TICRR: variants seen among roughly 807,000 people sequenced by gnomAD.
TICRR encodes the protein treslin.
Under a neutral mutation model 178.1 loss-of-function variants are expected in TICRR, and 132 were observed. That is an observed-to-expected ratio of 0.74 (90% CI 0.64 to 0.86). The LOEUF (loss-of-function observed/expected upper bound fraction) is 0.86. Ranked by LOEUF, TICRR falls within the 40% of genes least tolerant of loss-of-function variation. TICRR has a pLI of 0.00. For synonymous variants in TICRR, 991 were observed against 900.7 expected, an observed-to-expected ratio of 1.10 and a Z score of -1.79; for missense variants, 2,587 against 2,334.3, an observed-to-expected ratio of 1.11 and a Z score of -2.23.
chr15:89,607,809 A>G (rs575091057), intron 14 of TICRR, among the ~76,000 whole-genome samples: 12 of 152,232 alleles, frequency 7.9e-5, no homozygotes, highest in African/African-American at 2.9e-4. Context: ...CCACCAGACT[A>G]TCTTAAGATT....
At position 89,602,865 on chromosome 15, in the gene TICRR, T is replaced by C; in HGVS notation, c.2637T>C (p.Pro879=). The change falls in exon 13 of 22, where the codon CCT becomes CCC. Residue 879 remains proline, a synonymous_variant. Coordinates refer to ENST00000268138, the MANE Select transcript of TICRR (RefSeq NM_152259.4). ...AGAATCTTCGACAAATTGAAATTCC[T>C]AAAGTGTCAAAGAGAGCTACGAAAA... ...VSQNLRQIEI[P]KVSKRATKKE... The C allele has an allele frequency of 6.5e-7, 1 of 1,531,620 alleles. No homozygotes were observed. The highest frequency in any genetic ancestry group is 2.5e-5 in the East Asian group (1 of 40,660). 94.9% of individuals were successfully genotyped at this position (1,531,620 alleles called of 1,614,324 possible).
At chr15:89,581,860 C>T (rs1226816459) in intron 1 of TICRR, among the ~76,000 whole-genome samples, 1 of 152,088 alleles carries the variant, frequency 6.6e-6, no homozygotes, top group African/African-American at 2.4e-5. Flanking sequence ...ACTTTACAGG[C>T]TATGGTAACA....
In TICRR at chr15:89,575,795, C is replaced by G. The variant is rs763213994; in HGVS notation, c.209C>G (p.Ser70Cys). Reference sequence around the variant, plus strand: ...GTGTCTGACTTCCGCGAGCTGGGGTCCCGCTCGTGGGAGGACTTTGAGGAG... The same window carrying G: ...GTGTCTGACTTCCGCGAGCTGGGGTGCCGCTCGTGGGAGGACTTTGAGGAG... ...SRVSDFRELG[S>C]RSWEDFEEEL... The change falls in exon 1 of 22, where the codon TCC becomes TGC. Residue 70 changes from serine (S) to cysteine (C), a missense_variant. Transcript: ENST00000268138. 6 of 1,606,392 alleles carry G rather than the reference C, an allele frequency of 3.7e-6. No homozygotes were observed. Among genetic ancestry groups the G allele is most frequent in the Non-Finnish European group, 4.2e-6 (5 of 1,177,630 alleles).
At chr15:89,607,706 G>T (rs1033105011) in intron 14 of TICRR, among the ~76,000 whole-genome samples, 2 of 151,996 alleles carry the variant, frequency 1.3e-5, no homozygotes, top group African/African-American at 4.8e-5. Context: ...AAACACAAGG[G>T]TTGCTCCCAG....
At chr15:89,596,996 C>T (rs1963008401) in intron 7 of TICRR, among the ~76,000 whole-genome samples, 3 of 152,216 alleles carry the variant, frequency 2.0e-5, no homozygotes, top group Middle Eastern at 3.4e-3. Flanking sequence ...GAACTGTGCT[C>T]AATGTGGTCT....
At chr15:89,583,492 GAT>G (rs962786573) in intron 2 of TICRR, among the ~76,000 whole-genome samples, 1 of 152,120 alleles carries the variant, frequency 6.6e-6, no homozygotes, top group Non-Finnish European at 1.5e-5. Context: ...ACTTTATAGA[GAT>G]ATGTACATAA....
rs386383750 is a variant in TICRR, at chr15:89,619,221, C to CTTT, written c.3020-470_3020-468dup. 1.4e-3 allele frequency among the ~76,000 whole-genome samples: 162 copies of CTTT among 111,968 alleles called. 9 individuals are homozygous for CTTT. Among genetic ancestry groups the CTTT allele is most frequent in the African/African-American group, 3.0e-3 (85 of 28,482 alleles). 73.5% of individuals were successfully genotyped at this position (111,968 alleles called of 152,430 possible). On this transcript the variant is annotated intron_variant, in intron 17 of 21. Transcript: ENST00000268138. ...CTTGTTTTCGCCCTACACCATTCTT[C>CTTT]TTTTTTTTTTTTTTTTTTTGGTGAG...
chr15:89,588,233 TGA>T (rs1190319489), intron 4 of TICRR, among the ~76,000 whole-genome samples: 2 of 151,986 alleles, frequency 1.3e-5, no homozygotes, highest in African/African-American at 4.8e-5. Context: ...AAGTGGCTCT[TGA>T]GAGGGTGAAG....
rs2141960269 is a variant in TICRR at position 89,594,432 on chromosome 15, C to T, written c.1559C>T (p.Ser520Leu). Residue 520 changes from serine to leucine, a missense_variant, in exon 6 of 22, where the codon TCA (serine) becomes TTA (leucine). Coordinates refer to ENST00000268138, the MANE Select transcript of TICRR (RefSeq NM_152259.4). ...CTTCACAGGTTACTACAGGCTGCCT[C>T]AGCTAATAAGGAAGAGTCTTCCAAA... ...MESFGLLQAA[S>L]ANKEESSKTE... The T allele has an allele frequency of 1.9e-6, 3 of 1,611,876 alleles. No homozygotes were observed. The highest frequency in any genetic ancestry group is 1.7e-6 in the Non-Finnish European group (2 of 1,179,046).
At chr15:89,585,039 G>A (rs767128657) in intron 3 of TICRR, among the ~76,000 whole-genome samples, 1 of 152,094 alleles carries the variant, frequency 6.6e-6, no homozygotes, top group Non-Finnish European at 1.5e-5. Context: ...TTGATTTAAC[G>A]GTGAGAATTA....
At position 89,601,996 on chromosome 15, in the gene TICRR, A is replaced by C. The variant is rs1183332485; in HGVS notation, c.2567+20A>C. 19 of 1,613,126 alleles carry C rather than the reference A, an allele frequency of 1.2e-5. No individual in the cohort carries two copies. The highest frequency in any genetic ancestry group is 1.6e-5 in the Non-Finnish European group (19 of 1,179,676). On this transcript the variant is annotated intron_variant, in intron 12 of 21. Transcript: ENST00000268138. ...GAGAAGGTAAGAGGTCAAAGAATCA[A>C]AGGAATTATTTGCACTGTTATAGTT...
chr15:89,617,732 G>A (rs749796885), intron 16 of TICRR, among the ~76,000 whole-genome samples: 5 of 134,668 alleles, frequency 3.7e-5, no homozygotes, highest in East Asian at 2.2e-4. Flanking sequence ...TAGCTCTGTC[G>A]CCAGGCTGGA....
At position 89,599,468 on chromosome 15, in the gene TICRR, A is replaced by T; in HGVS notation, c.2045A>T (p.Glu682Val). The T allele has an allele frequency of 6.2e-7, 1 of 1,612,014 alleles. No individual in the cohort carries two copies. Among genetic ancestry groups the T allele is most frequent in the Non-Finnish European group, 8.5e-7 (1 of 1,179,426 alleles). The stretch of plus-strand genomic sequence containing the variant: ...TTCCTAAAATCAAAAGGCACCAAGG[A>T]ATTAGAAGTAAGAGGGTCCAGATAT... The part of the protein sequence containing the change: ...KMFLKSKGTK[E>V]LEVNCLNQVK... Residue 682 changes from glutamate (E) to valine (V), a missense_variant, in exon 8 of 22, where the codon GAA becomes GTA. By Grantham distance (121) the Glu-to-Val change is moderately radical (BLOSUM62 -2). Coordinates refer to ENST00000268138, the MANE Select transcript of TICRR (RefSeq NM_152259.4).
In TICRR at chr15:89,576,028, G is replaced by A. The variant is rs745337713; in HGVS notation, c.442G>A (p.Gly148Arg). The change falls in exon 1 of 22, where the codon GGG (glycine) becomes AGG (arginine). Residue 148 changes from glycine (G) to arginine (R), a missense_variant. By Grantham distance (125) the Gly-to-Arg change is moderately radical. Transcript: ENST00000268138. ...SEAKEAEAAL[G>R]GLVNAVFLLA... ...GGCCAAGGAGGCCGAGGCCGCGCTCGGGGGCTTGGTGAACGCCGTCTTCCT... is the reference window on the plus strand; with the variant it reads ...GGCCAAGGAGGCCGAGGCCGCGCTCAGGGGCTTGGTGAACGCCGTCTTCCT... 26 of 1,609,490 alleles carry A rather than the reference G, an allele frequency of 1.6e-5. No individual in the cohort carries two copies. The highest frequency in any genetic ancestry group is 1.1e-4 in the South Asian group (10 of 90,694).
intron 15 of TICRR, among the ~76,000 whole-genome samples, chr15:89,611,052 TAAA>T (rs547260243): frequency 4.7e-5 from 7 of 149,148 alleles, no homozygotes; most frequent in African/African-American, 1.2e-4. Context: ...ATATAGGGTT[TAAA>T]AAAAAAACAA....
Position 89,575,874 on chromosome 15 carries a change from G to A in TICRR, c.288G>A (p.Arg96=). ...CCCACCTGCCCGGCCCGGCGCCCAG[G>A]GCCACCCACACGCACGGCGCCCTGA... is the stretch of plus-strand genomic sequence containing the variant. ...DRAHLPGPAP[R]ATHTHGALME... Residue 96 remains arginine (R), a synonymous_variant, in exon 1 of 22, where the codon AGG becomes AGA. Coordinates refer to ENST00000268138, the MANE Select transcript of TICRR (RefSeq NM_152259.4). The A allele has an allele frequency of 2.5e-6, 4 of 1,586,736 alleles. No homozygotes were observed. The highest frequency in any genetic ancestry group is 3.4e-6 in the Non-Finnish European group (4 of 1,169,138).
chr15:89,606,743 C>G, intron 13 of TICRR, 25 bp from the exon 14 acceptor site: 1 of 1,609,032 alleles, frequency 6.2e-7, no homozygotes, highest in Non-Finnish European at 8.5e-7. Flanking sequence ...TTTAAATTTT[C>G]TTTCTGGATT....
chr15:89,609,932 A>T (rs1012133227), intron 15 of TICRR, among the ~76,000 whole-genome samples: 13 of 151,756 alleles, frequency 8.6e-5, no homozygotes, highest in African/African-American at 3.1e-4. Flanking sequence ...AAATTTTGAT[A>T]TGATTTGTTT....
chr15:89,595,268 C>A (rs1248674529), intron 6 of TICRR, 125 bp from the exon 7 acceptor site: 30 of 705,030 alleles, frequency 4.3e-5, no homozygotes, highest in Non-Finnish European at 4.8e-6. Flanking sequence ...CTTCCTAATT[C>A]AAATCATTCT....
Sources: allele counts gnomAD v4.1 joint callset (sites outside exome capture counted in the v4.1 genomes callset), GRCh38; gene constraint gnomAD v4.1.1; transcripts MANE v1.5; gene names NCBI Gene and HGNC (gene_info 2026-07-23, HGNC 2026-07-21).